SMTNL1: variants seen among roughly 807,000 people sequenced by gnomAD.
SMTNL1 encodes the protein smoothelin-like protein 1.
Under a neutral mutation model 46.6 loss-of-function variants are expected in SMTNL1, and 41 were observed. The observed-to-expected ratio is 0.88, with a 90% CI of 0.69 to 1.14. The LOEUF is 1.14. Ranked by LOEUF, SMTNL1 falls within the 50% of genes most tolerant of loss-of-function variation. SMTNL1 has a pLI of 0.00. For missense variants in SMTNL1, 591 were observed against 626.1 expected (o/e 0.94, Z 0.60); for synonymous variants, 234 against 234.2 (o/e 1.00, Z 0.01).
intron 4 of SMTNL1, 137 bp from the exon 5 acceptor site, chr11:57,545,744 C>A (rs1376324677): frequency 1.7e-5 from 14 of 809,534 alleles, no homozygotes; most frequent in African/African-American, 3.5e-5. Context: ...TTCTCAATGT[C>A]CTCCCAGTGC....
At chr11:57,542,113 A>AAAAACAC (rs59309454) in intron 1 of SMTNL1, among the ~76,000 whole-genome samples, 2 of 105,452 alleles carry the variant, frequency 1.9e-5, no homozygotes, top group African/African-American at 7.0e-5. Flanking sequence ...ACAAAAAAAA[A>AAAAACAC]ACACACACAC....
chr11:57,540,582 A>G (rs1462113748), intron 1 of SMTNL1, among the ~76,000 whole-genome samples: 2 of 152,182 alleles, frequency 1.3e-5, no homozygotes, highest in Non-Finnish European at 2.9e-5. Context: ...GTTGAAACTG[A>G]GGCCCAGAGA....
Position 57,543,250 on chromosome 11 carries a change from A to C in SMTNL1, c.608A>C (p.Gln203Pro). Residue 203 changes from glutamine to proline, a missense_variant, in exon 2 of 8, where the codon CAG (glutamine) becomes CCG (proline). Physicochemically the swap from Gln to Pro is moderately conservative, Grantham distance 76. Transcript: ENST00000527972. ...GATGAAGAGGCCAAGGCTGAATCGC[A>C]GAAGGCTGTTGTGGAGGATGAGGCT... ...ATDEEAKAES[Q>P]KAVVEDEAKA... 6.2e-7 allele frequency: 1 copy of C among 1,613,986 alleles called. No homozygotes were observed.
intron 1 of SMTNL1, among the ~76,000 whole-genome samples, chr11:57,538,375 G>A (rs1246563330): frequency 6.6e-6 from 1 of 152,220 alleles, no homozygotes; most frequent in Admixed American, 6.5e-5. Flanking sequence ...GAGAGGGAGG[G>A]GAGATATCTG....
At chr11:57,543,411 G>A (rs757138462) in intron 2 of SMTNL1, 37 bp downstream of exon 2, 57 of 1,590,814 alleles carry the variant, frequency 3.6e-5, no homozygotes, top group Admixed American at 1.1e-4. Context: ...AGGCTCTGTC[G>A]TCTCCTGCTT....
intron 7 of SMTNL1, among the ~76,000 whole-genome samples, chr11:57,548,293 C>T (rs1436888206): frequency 6.6e-6 from 1 of 152,178 alleles, no homozygotes; most frequent in Non-Finnish European, 1.5e-5. Flanking sequence ...GGGGCCCTTG[C>T]ACCTGCTGTT....
chr11:57,540,468 T>C (rs1944864342), intron 1 of SMTNL1, among the ~76,000 whole-genome samples: 1 of 152,182 alleles, frequency 6.6e-6, no homozygotes, highest in African/African-American at 2.4e-5. Context: ...GAGAATATCC[T>C]TTCTCCCAAC....
chr11:57,547,218 AG>A lies in SMTNL1; in HGVS notation c.1340+567del, dbSNP rs544047146. Among the ~76,000 whole-genome samples the A allele has an allele frequency of 1.1e-4, 16 of 152,340 alleles. No individual in the cohort carries two copies. In the South Asian group the frequency reaches 1.5e-3, roughly 14 times the overall value. The stretch of plus-strand genomic sequence containing the variant: ...CTAAGTGAATATCAGAAGGGCAAGC[AG>A]CTCTGCTCTCACCAAGTGCTCCTGA... On this transcript the variant is annotated intron_variant, in intron 7 of 7. Transcript: ENST00000527972.
intron 1 of SMTNL1, among the ~76,000 whole-genome samples, chr11:57,542,116 AC>A (rs1590801701): frequency 2.3e-5 from 2 of 87,466 alleles, no homozygotes; most frequent in East Asian, 2.7e-4. Flanking sequence ...AAAAAAAAAC[AC>A]ACACACACAC....
chr11:57,546,682 G>A, intron 7 of SMTNL1, 30 bp downstream of exon 7: 1 of 1,606,088 alleles, frequency 6.2e-7, no homozygotes, highest in Non-Finnish European at 8.5e-7. Context: ...TGGCAGAGCT[G>A]GATGGGAGCC....
In SMTNL1 at chr11:57,542,694, G is replaced by A; in HGVS notation, c.52G>A (p.Ala18Thr). The change falls in exon 2 of 8, where the codon GCT becomes ACT. Residue 18 changes from alanine to threonine, a missense_variant. Physicochemically the swap from Ala to Thr is moderately conservative, Grantham distance 58. Coordinates refer to ENST00000527972, the MANE Select transcript of SMTNL1 (RefSeq NM_001105565.3). ...TGAGGATGGGACCACCGTCTCCCCAGCTGCGGACAACCCTGAGATGTCAGG... is the reference window on the plus strand; with the variant it reads ...TGAGGATGGGACCACCGTCTCCCCAACTGCGGACAACCCTGAGATGTCAGG... ...LSEDGTTVSP[A>T]ADNPEMSGGG... The A allele has an allele frequency of 6.2e-7, 1 of 1,613,810 alleles. No individual in the cohort carries two copies. The highest frequency in any genetic ancestry group is 8.5e-7 in the Non-Finnish European group (1 of 1,179,780).
In SMTNL1 at chr11:57,540,779, C is replaced by T. The variant is rs190781451; in HGVS notation, c.-2-1862C>T. On this transcript the variant is annotated intron_variant, in intron 1 of 7. Transcript: ENST00000527972. Reference sequence around the variant, plus strand: ...AGGCTGGAGTGCAGTGACGCGATCTCGGCTCACTGCAACCTCCACCTCCCG... The same window carrying T: ...AGGCTGGAGTGCAGTGACGCGATCTTGGCTCACTGCAACCTCCACCTCCCG... Among the ~76,000 whole-genome samples the T allele has an allele frequency of 5.8e-3, 882 of 151,678 alleles. 5 individuals are homozygous for T. The highest frequency in any genetic ancestry group is 0.021 in the African/African-American group (857 of 41,374).
At chr11:57,541,593 T>A in intron 1 of SMTNL1, 1 of 1,364,432 alleles carries the variant, frequency 7.3e-7, no homozygotes. Flanking sequence ...AAACGCTTCC[T>A]TGCCCAGGCC....
intron 4 of SMTNL1, 110 bp downstream of exon 4, chr11:57,544,030 C>A (rs79627175): frequency 1.7e-6 from 2 of 1,163,894 alleles, no homozygotes; most frequent in East Asian, 2.6e-5. Flanking sequence ...TCAAGATATT[C>A]GAGGATTCCT....
At chr11:57,542,520 A>G in intron 1 of SMTNL1, 121 bp from the exon 2 acceptor site, 1 of 1,160,414 alleles carries the variant, frequency 8.6e-7, no homozygotes, top group East Asian at 2.5e-5. Context: ...CCCCATGTCC[A>G]AGTAGGAGCC....
chr11:57,546,003 A>C lies in SMTNL1; in HGVS notation c.1040A>C (p.Gln347Pro). The C allele has an allele frequency of 1.3e-6, 2 of 1,599,982 alleles. No individual in the cohort carries two copies. The highest frequency in any genetic ancestry group is 1.7e-6 in the Non-Finnish European group (2 of 1,173,970). The change falls in exon 5 of 8, where the codon CAG becomes CCG. Residue 347 changes from glutamine to proline, a missense_variant. Gln to Pro is a moderately conservative substitution (Grantham distance 76, BLOSUM62 -1). Coordinates refer to ENST00000527972, the MANE Select transcript of SMTNL1 (RefSeq NM_001105565.3). ...APARPRGPRA[Q>P]NRKAIVDKFG... Reference sequence around the variant, plus strand: ...GCTCGGCCCCGGGGGCCCCGGGCACAGAACCGCAAAGCCATCGTGGACAAG... The same window carrying C: ...GCTCGGCCCCGGGGGCCCCGGGCACCGAACCGCAAAGCCATCGTGGACAAG...
chr11:57,546,513 C>T lies in SMTNL1; in HGVS notation c.1201C>T (p.Gln401Ter), dbSNP rs1287764896. 12 of 1,614,214 alleles carry T rather than the reference C, an allele frequency of 7.4e-6. No individual in the cohort carries two copies. Among genetic ancestry groups the T allele is most frequent in the Admixed American group, 6.7e-5 (4 of 60,032 alleles). Reference sequence around the variant, plus strand: ...CTGCCTGCCATAGCATGTGGACATCCAGAACTTCTCCTCCAGCTGGAGCAG... The same window carrying T: ...CTGCCTGCCATAGCATGTGGACATCTAGAACTTCTCCTCCAGCTGGAGCAG... ...MTKKYEHVDI[Q>*]NFSSSWSSGM... Residue 401 changes from glutamine to a stop codon, truncating the protein, a stop_gained, in exon 7 of 8, where the codon CAG becomes TAG. Coordinates refer to ENST00000527972, the MANE Select transcript of SMTNL1 (RefSeq NM_001105565.3). LOFTEE classifies it high-confidence loss of function.
At chr11:57,540,534 T>C (rs1313505530) in intron 1 of SMTNL1, among the ~76,000 whole-genome samples, 1 of 152,082 alleles carries the variant, frequency 6.6e-6, no homozygotes. Flanking sequence ...CAGAACACAA[T>C]GTGGAGAACC....
Position 57,543,017 on chromosome 11 carries a change from T to C in SMTNL1, c.375T>C (p.Ala125=). Reference sequence around the variant, plus strand: ...AGACCAAATCTGAACCCAAAGAGGCTGAGGAAAAGGAGAGCACGCTGGCCT... The same window carrying C: ...AGACCAAATCTGAACCCAAAGAGGCCGAGGAAAAGGAGAGCACGCTGGCCT... ...KEETKSEPKE[A]EEKESTLASE... is the part of the protein sequence containing the mutation. Residue 125 remains alanine (A), a synonymous_variant, in exon 2 of 8, where the codon GCT becomes GCC. Coordinates refer to ENST00000527972, the MANE Select transcript of SMTNL1 (RefSeq NM_001105565.3). 1 of 1,602,860 alleles carries C rather than the reference T, an allele frequency of 6.2e-7. No individual in the cohort carries two copies. Among genetic ancestry groups the C allele is most frequent in the South Asian group, 1.1e-5 (1 of 89,294 alleles).
Sources: gnomAD v4.1 joint callset for allele counts (sites outside exome capture counted in the v4.1 genomes callset) on GRCh38, gnomAD v4.1.1 for gene constraint, MANE v1.5 for transcripts, NCBI Gene and HGNC (gene_info 2026-07-23, HGNC 2026-07-21) for gene names.